RBFOX1: variants seen among roughly 807,000 people sequenced by gnomAD.
RBFOX1 encodes the protein RNA binding fox-1 homolog 1.
Under a neutral mutation model 57.7 loss-of-function variants are expected in RBFOX1, and 8 were observed. That is an observed-to-expected ratio of 0.14 (90% CI 0.08 to 0.25). The LOEUF is 0.25. RBFOX1 is among the 10% of genes least tolerant of loss of function. The pLI is 1.00. For missense variants in RBFOX1, 611 were observed against 548.5 expected, an observed-to-expected ratio of 1.11 and a Z score of -1.14; for synonymous variants, 326 against 222.4, an observed-to-expected ratio of 1.47 and a Z score of -4.15.
intron 6 of RBFOX1, among the ~76,000 whole-genome samples, chr16:7,581,815 A>G (rs982239818): frequency 4.0e-4 from 61 of 152,112 alleles, no homozygotes; most frequent in African/African-American, 1.5e-3. Flanking sequence ...GGCTCAAGGG[A>G]TCCTCCCACC....
At chr16:6,172,364 G>T (rs1567610297) in intron 1 of RBFOX1, among the ~76,000 whole-genome samples, 1 of 152,186 alleles carries the variant, frequency 6.6e-6, no homozygotes, top group Non-Finnish European at 1.5e-5. Flanking sequence ...AGGAAACTGA[G>T]CTCTGAAGCC....
rs11866924 is a variant in RBFOX1 at position 6,836,537 on chromosome 16, A to C, written c.-16+181887A>C. On this transcript the variant is annotated intron_variant, in intron 3 of 15. Coordinates refer to ENST00000550418, the MANE Select transcript of RBFOX1 (RefSeq NM_018723.4). ...GAGTTAGCCTTAGGGTATGACCACG[A>C]ATGACACCTTCAAATGGGAACCTTT... is the stretch of plus-strand genomic sequence containing the variant. Among the ~76,000 whole-genome samples the C allele has an allele frequency of 8.7e-3, 1,325 of 152,298 alleles. 25 individuals carry two copies. Among genetic ancestry groups the C allele is most frequent in the African/African-American group, 0.03 (1,227 of 41,548 alleles).
chr16:7,209,934 T>C (rs2152776660), intron 4 of RBFOX1, among the ~76,000 whole-genome samples: 1 of 152,296 alleles, frequency 6.6e-6, no homozygotes, highest in South Asian at 2.1e-4. Flanking sequence ...GAGTTGATGG[T>C]AGGCAGGCAA....
intron 1 of RBFOX1, among the ~76,000 whole-genome samples, chr16:6,077,967 C>G (rs1794973027): frequency 6.6e-6 from 1 of 152,214 alleles, no homozygotes; most frequent in Non-Finnish European, 1.5e-5. Flanking sequence ...AGTGAAGTCT[C>G]AGTAAAATGG....
intron 4 of RBFOX1, among the ~76,000 whole-genome samples, chr16:7,331,933 T>A (rs2096703598): frequency 6.6e-6 from 1 of 152,188 alleles, no homozygotes; most frequent in Admixed American, 6.5e-5. Flanking sequence ...AATCTGTGCT[T>A]GAATGTATTT....
intron 2 of RBFOX1, among the ~76,000 whole-genome samples, chr16:6,553,948 C>T (rs547636341): frequency 6.6e-6 from 1 of 152,246 alleles, no homozygotes; most frequent in African/African-American, 2.4e-5. Context: ...TGTGAGTTCC[C>T]AGAGGGCAGG....
In RBFOX1 at chr16:6,648,434, C is replaced by A. The variant is rs941170467; in HGVS notation, c.-63-6169C>A. ...AAGTTCCTCATACTCCCCTTATGTG[C>A]GGATGAGGGAAATTTGCTGAAGGAC... is the stretch of plus-strand genomic sequence containing the variant. On this transcript the variant is annotated intron_variant, in intron 2 of 15. Coordinates refer to ENST00000550418, the MANE Select transcript of RBFOX1 (RefSeq NM_018723.4). Among the ~76,000 whole-genome samples the A allele has an allele frequency of 2.1e-4, 32 of 152,166 alleles. 1 individual carries two copies. The highest frequency in any genetic ancestry group is 2.1e-3 in the Admixed American group (32 of 15,262).
At chr16:7,142,400 G>A (rs966923530) in intron 4 of RBFOX1, among the ~76,000 whole-genome samples, 1 of 152,084 alleles carries the variant, frequency 6.6e-6, no homozygotes, top group Non-Finnish European at 1.5e-5. Context: ...TGAGCTTCTT[G>A]TTGATGTCAT....
chr16:5,958,233 T>G (rs989104802), intron 4 of RBFOX1, among the ~76,000 whole-genome samples: 1 of 152,234 alleles, frequency 6.6e-6, no homozygotes, highest in African/African-American at 2.4e-5. Context: ...CAGAGCTTTC[T>G]TGTGGCCCTG....
intron 1 of RBFOX1, among the ~76,000 whole-genome samples, chr16:6,149,589 A>G (rs1215454946): frequency 6.6e-6 from 1 of 152,176 alleles, no homozygotes; most frequent in Admixed American, 6.5e-5. Flanking sequence ...CATCCCTTAG[A>G]TGAGGCAGAT....
chr16:7,337,487 A>T (rs2096812521), intron 4 of RBFOX1, among the ~76,000 whole-genome samples: 1 of 152,150 alleles, frequency 6.6e-6, no homozygotes, highest in African/African-American at 2.4e-5. Flanking sequence ...CGTCTTTTCC[A>T]ACTTACTGCC....
intron 4 of RBFOX1, among the ~76,000 whole-genome samples, chr16:5,985,837 G>A (rs2060275250): frequency 6.6e-6 from 1 of 152,148 alleles, no homozygotes; most frequent in East Asian, 1.9e-4. Context: ...AGAAAGGCCA[G>A]GTGCTCTACA....
intron 1 of RBFOX1, among the ~76,000 whole-genome samples, chr16:6,128,780 A>G (rs1398136017): frequency 1.3e-5 from 2 of 152,214 alleles, no homozygotes; most frequent in Non-Finnish European, 2.9e-5. Flanking sequence ...GCTAGATGGT[A>G]AAACAAGAAT....
intron 1 of RBFOX1, among the ~76,000 whole-genome samples, chr16:5,415,911 G>C (rs958538093): frequency 1.3e-5 from 2 of 152,160 alleles, no homozygotes; most frequent in Admixed American, 1.3e-4. Context: ...AGTCTTAGGG[G>C]CACTCAGAAA....
At chr16:7,472,410 TAACTC>T (rs975042854) in intron 4 of RBFOX1, among the ~76,000 whole-genome samples, 1 of 152,234 alleles carries the variant, frequency 6.6e-6, no homozygotes, top group Admixed American at 6.5e-5. Flanking sequence ...CTTTATAACT[TAACTC>T]ATTTGGAAGT....
At chr16:5,621,992 G>C (rs1596485684) in intron 3 of RBFOX1, among the ~76,000 whole-genome samples, 1 of 152,306 alleles carries the variant, frequency 6.6e-6, no homozygotes, top group Non-Finnish European at 1.5e-5. Flanking sequence ...ACAGACCTTG[G>C]CCACGTGTCA....
chr16:6,781,258 C>T (rs1421986237), intron 3 of RBFOX1, among the ~76,000 whole-genome samples: 2 of 152,022 alleles, frequency 1.3e-5, no homozygotes, highest in Non-Finnish European at 2.9e-5. Flanking sequence ...TTGAACCATC[C>T]TTTTATCGCA....
At chr16:7,602,590 C>A (rs747367584) in intron 9 of RBFOX1, among the ~76,000 whole-genome samples, 40 of 152,162 alleles carry the variant, frequency 2.6e-4, no homozygotes, top group Admixed American at 8.5e-4. Flanking sequence ...CAGGGTTATC[C>A]CAAGGGTCTC....
Position 5,619,258 on chromosome 16 carries a change from C to T in RBFOX1, c.318+20297C>T, listed in dbSNP as rs375861919. ...GTAGGGTGCTGACAGACAGGCCTCCCGGGCTCCAGCCACCTTGGCTGCAAA... is the reference window on the plus strand; with the variant it reads ...GTAGGGTGCTGACAGACAGGCCTCCTGGGCTCCAGCCACCTTGGCTGCAAA... On this transcript the variant is annotated intron_variant, in intron 3 of 19. Coordinates refer to the RBFOX1 transcript ENST00000641259. Among the ~76,000 whole-genome samples the T allele has an allele frequency of 9.2e-5, 14 of 152,266 alleles. 1 individual carries two copies. In the South Asian group the frequency reaches 2.3e-3, roughly 25 times the overall value.
Sources: gnomAD v4.1 joint callset for allele counts (sites outside exome capture counted in the v4.1 genomes callset) on GRCh38, gnomAD v4.1.1 for gene constraint, MANE v1.5 for transcripts, NCBI Gene and HGNC (gene_info 2026-07-23, HGNC 2026-07-21) for gene names.